The following AFF3 variants were observed in gnomAD, a reference collection of about 807,000 sequenced individuals.
AFF3 encodes ALF transcription elongation factor 3, also known as AF4/FMR2 family member 3.
A neutral mutation model predicts 129.7 loss-of-function variants in AFF3; 32 were observed. The ratio of observed to expected loss-of-function variants is 0.25; its 90% CI spans 0.19 to 0.33. The LOEUF is 0.33. Ranked by LOEUF, AFF3 falls within the 10% of genes least tolerant of loss-of-function variation. The pLI, the probability that AFF3 is intolerant of heterozygous loss-of-function variation, is 1.00. For synonymous variants in AFF3, 644 were observed against 635.4 expected (o/e 1.01, Z -0.20); for missense variants, 1,373 against 1,592.0 (o/e 0.86, Z 2.34).
intron 13 of AFF3, among the ~76,000 whole-genome samples, chr2:99,637,834 A>G (rs1435808137): frequency 6.6e-6 from 1 of 152,222 alleles, no homozygotes; most frequent in African/African-American, 2.4e-5. Context: ...TTGGATGTAA[A>G]TTTAAATATA....
At chr2:100,049,277 T>C (rs941789078) in intron 4 of AFF3, among the ~76,000 whole-genome samples, 3 of 152,214 alleles carry the variant, frequency 2.0e-5, no homozygotes, top group Non-Finnish European at 2.9e-5. Flanking sequence ...AAGGCCACTC[T>C]GTCTTGATGG....
intron 11 of AFF3, among the ~76,000 whole-genome samples, chr2:99,722,944 T>G (rs777834872): frequency 6.6e-5 from 10 of 152,208 alleles, no homozygotes; most frequent in Non-Finnish European, 8.8e-5. Flanking sequence ...TAAACATAGT[T>G]CTCACTCTTT....
intron 4 of AFF3, among the ~76,000 whole-genome samples, chr2:100,054,684 G>C (rs985819522): frequency 7.9e-5 from 12 of 152,142 alleles, no homozygotes; most frequent in African/African-American, 2.9e-4. Context: ...AAGGATTTAC[G>C]TGTATTGTTT....
At chr2:99,788,059 T>C (rs1326357891) in intron 8 of AFF3, among the ~76,000 whole-genome samples, 1 of 152,196 alleles carries the variant, frequency 6.6e-6, no homozygotes, top group Non-Finnish European at 1.5e-5. Context: ...TTACTCACCA[T>C]TGTGGTGATG....
At chr2:99,810,204 A>C (rs1223672834) in intron 8 of AFF3, among the ~76,000 whole-genome samples, 5 of 152,352 alleles carry the variant, frequency 3.3e-5, no homozygotes, top group Non-Finnish European at 7.3e-5. Flanking sequence ...AAAAAGATGG[A>C]TAACGTGAAG....
At position 99,707,760 on chromosome 2, in the gene AFF3, T is replaced by C. The variant is rs558591312; in HGVS notation, c.1091+19317A>G. The C allele has an allele frequency of 4.9e-6, 3 of 610,326 alleles. No homozygotes were observed. The Admixed American group carries it at 1.9e-4, about 39-fold the overall frequency. 37.8% of individuals were successfully genotyped at this position (610,326 alleles called of 1,614,324 possible). A position where few individuals can be genotyped will look rare whatever the true frequency, so the allele number is the denominator to read the frequency against. ...GCTAAAGAGTCTGTGAAGCAGACTT[T>C]TTCCATCCTATGACCTCAGTTTTAG... is the stretch of plus-strand genomic sequence containing the variant. On this transcript the variant is annotated intron_variant, in intron 11 of 24. Coordinates refer to ENST00000672756, the MANE Select transcript of AFF3 (RefSeq NM_001386135.1).
At chr2:99,751,165 C>T (rs1043306637) in intron 9 of AFF3, among the ~76,000 whole-genome samples, 1 of 152,326 alleles carries the variant, frequency 6.6e-6, no homozygotes, top group East Asian at 1.9e-4. Context: ...ACAATCTCAG[C>T]TTACTGCAAG....
chr2:99,720,658 G>T (rs1379609178), intron 11 of AFF3, among the ~76,000 whole-genome samples: 2 of 152,030 alleles, frequency 1.3e-5, no homozygotes, highest in Admixed American at 1.3e-4. Flanking sequence ...ACTGGGTTCA[G>T]GTTTACTATT....
At chr2:100,036,433 T>C (rs1684915387) in intron 4 of AFF3, among the ~76,000 whole-genome samples, 1 of 152,078 alleles carries the variant, frequency 6.6e-6, no homozygotes, top group African/African-American at 2.4e-5. Context: ...GGTAAAATAT[T>C]TGGGAAAAAA....
chr2:99,768,584 C>T (rs935436496), intron 8 of AFF3, among the ~76,000 whole-genome samples: 1 of 152,136 alleles, frequency 6.6e-6, no homozygotes, highest in African/African-American at 2.4e-5. Flanking sequence ...CTTACTGTTA[C>T]CAGTGAGTTT....
At chr2:99,698,550 A>T (rs1676529231) in intron 11 of AFF3, among the ~76,000 whole-genome samples, 1 of 152,216 alleles carries the variant, frequency 6.6e-6, no homozygotes, top group African/African-American at 2.4e-5. Context: ...GAGACAGTGG[A>T]ACACTTTTGT....
At chr2:99,571,464 T>G (rs770265741) in intron 18 of AFF3, among the ~76,000 whole-genome samples, 6 of 152,160 alleles carry the variant, frequency 3.9e-5, no homozygotes, top group Non-Finnish European at 8.8e-5. Flanking sequence ...TAATCAATAT[T>G]GTTTTCATCT....
At chr2:99,880,354 T>C (rs1475741379) in intron 7 of AFF3, among the ~76,000 whole-genome samples, 2 of 152,334 alleles carry the variant, frequency 1.3e-5, no homozygotes, top group Non-Finnish European at 1.5e-5. Context: ...CCCCAGGATA[T>C]GGCTCACCCT....
At chr2:100,027,393 G>C (rs908054560) in intron 4 of AFF3, among the ~76,000 whole-genome samples, 1 of 152,178 alleles carries the variant, frequency 6.6e-6, no homozygotes, top group African/African-American at 2.4e-5. Context: ...AACTCAACTT[G>C]TCTCCTTCCA....
At chr2:99,867,576 T>A (rs2309686) in intron 7 of AFF3, among the ~76,000 whole-genome samples, 48,778 of 141,092 alleles carry the variant, frequency 0.35, 9,158 homozygotes, top group East Asian at 0.5. Context: ...ATTTCTATAT[T>A]AAAAAAAAAA....
intron 7 of AFF3, among the ~76,000 whole-genome samples, chr2:100,003,118 G>A (rs1386866273): frequency 2.9e-5 from 4 of 137,816 alleles, no homozygotes; most frequent in Non-Finnish European, 4.7e-5. Context: ...TCGGGGGGGT[G>A]GGGGTGGTAC....
chr2:100,043,371 T>C, intron 4 of AFF3, among the ~76,000 whole-genome samples: 1 of 152,202 alleles, frequency 6.6e-6, no homozygotes, highest in East Asian at 1.9e-4. Flanking sequence ...AACCATCTTC[T>C]TCTGACAGCA....
intron 7 of AFF3, among the ~76,000 whole-genome samples, chr2:99,935,953 C>T (rs1485575148): frequency 6.6e-6 from 1 of 152,238 alleles, no homozygotes; most frequent in Non-Finnish European, 1.5e-5. Flanking sequence ...GTAAGTAACC[C>T]GGTTACTCGT....
intron 4 of AFF3, among the ~76,000 whole-genome samples, chr2:100,010,727 G>A (rs1258402542): frequency 1.3e-5 from 2 of 152,092 alleles, no homozygotes; most frequent in Non-Finnish European, 2.9e-5. Context: ...AGCAGGAGAT[G>A]GGAAAGACAC....
Sources: allele counts gnomAD v4.1 joint callset (sites outside exome capture counted in the v4.1 genomes callset), GRCh38; gene constraint gnomAD v4.1.1; transcripts MANE v1.5; gene names NCBI Gene and HGNC (gene_info 2026-07-23, HGNC 2026-07-21).